DNM3: variants seen among roughly 807,000 people sequenced by gnomAD.
DNM3 encodes the protein dynamin-3.
A neutral mutation model predicts 101.6 loss-of-function variants in DNM3; 47 were observed. The ratio of observed to expected loss-of-function variants is 0.46; its 90% confidence interval spans 0.37 to 0.59. The LOEUF (loss-of-function observed/expected upper bound fraction) is 0.59. DNM3 is among the 20% of genes least tolerant of loss of function. The pLI is 0.00. For missense variants in DNM3, 849 were observed against 1,085.7 expected (o/e 0.78, Z 3.06); for synonymous variants, 385 against 387.9 (o/e 0.99, Z 0.09).
intron 2 of DNM3, among the ~76,000 whole-genome samples, chr1:171,984,018 C>T (rs1187302740): frequency 6.6e-6 from 1 of 152,116 alleles, no homozygotes; most frequent in Non-Finnish European, 1.5e-5. Flanking sequence ...TAGGTCAAAC[C>T]CTTTGAAGTT....
chr1:171,851,885 C>T (rs1454020872), intron 1 of DNM3, among the ~76,000 whole-genome samples: 1 of 152,214 alleles, frequency 6.6e-6, no homozygotes, highest in Non-Finnish European at 1.5e-5. Context: ...GCATACTAGG[C>T]TGCAATGTAA....
intron 15 of DNM3, among the ~76,000 whole-genome samples, chr1:172,296,720 T>G (rs2064179165): frequency 6.6e-6 from 1 of 152,256 alleles, no homozygotes; most frequent in South Asian, 2.1e-4. Context: ...AAAAATTCAT[T>G]TCTATGTATT....
intron 16 of DNM3, among the ~76,000 whole-genome samples, chr1:172,322,393 G>A (rs6702094): frequency 0.087 from 13,257 of 152,130 alleles, 725 homozygotes; most frequent in African/African-American, 0.15. Flanking sequence ...ATCCCATCAC[G>A]TCTCCCCCAC....
At chr1:172,020,748 C>G (rs1320623179) in intron 4 of DNM3, among the ~76,000 whole-genome samples, 1 of 112,540 alleles carries the variant, frequency 8.9e-6, no homozygotes, top group African/African-American at 4.1e-5. Context: ...AAAAAAAGAA[C>G]AGAATGTTGT....
chr1:171,955,302 A>C (rs1490323738), intron 2 of DNM3, among the ~76,000 whole-genome samples: 1 of 152,240 alleles, frequency 6.6e-6, no homozygotes, highest in East Asian at 1.9e-4. Context: ...AAAAGATAAT[A>C]CATTTCATCA....
chr1:171,924,961 G>A (rs557233620), intron 2 of DNM3, among the ~76,000 whole-genome samples: 7 of 151,122 alleles, frequency 4.6e-5, no homozygotes, highest in South Asian at 4.2e-4. Context: ...GTGCAGTGGC[G>A]GGATCTCGGC....
At chr1:171,869,281 T>G (rs1350021285) in intron 1 of DNM3, among the ~76,000 whole-genome samples, 1 of 152,158 alleles carries the variant, frequency 6.6e-6, no homozygotes, top group Non-Finnish European at 1.5e-5. Flanking sequence ...CACTGTTTCC[T>G]TTGCCCTCCC....
At chr1:172,075,240 AT>A (rs1213642063) in intron 11 of DNM3, among the ~76,000 whole-genome samples, 2 of 151,346 alleles carry the variant, frequency 1.3e-5, no homozygotes, top group Non-Finnish European at 2.9e-5. Flanking sequence ...GATTGCAAAA[AT>A]TTTTTTCCCA....
chr1:172,252,290 C>T (rs1032876756), intron 14 of DNM3, among the ~76,000 whole-genome samples: 1 of 152,056 alleles, frequency 6.6e-6, no homozygotes, highest in African/African-American at 2.4e-5. Context: ...CTCTGCCCAA[C>T]TTTTTTCTGA....
At chr1:172,041,956 A>G (rs2049424262) in intron 7 of DNM3, 53 bp from the exon 8 acceptor site, 2 of 1,500,484 alleles carry the variant, frequency 1.3e-6, no homozygotes, top group African/African-American at 2.8e-5. Context: ...GAAAATGAAG[A>G]GTGCAAAGGC....
In DNM3 at chr1:172,068,829, TCC is replaced by T; in HGVS notation, c.1349_1350del (p.Pro450GlnfsTer12). Reference sequence around the variant, plus strand: ...TGCTTTTCTTGACAGCTGGCAAACTTCCCCAGACTCTGCGAGGAAACGGAAAG... The same window carrying T: ...TGCTTTTCTTGACAGCTGGCAAACTTCCAGACTCTGCGAGGAAACGGAAAG... On this transcript the variant is annotated frameshift_variant, in exon 11 of 21. Transcript: ENST00000627582. LOFTEE classifies it high-confidence loss of function. 1 of 1,570,920 alleles carries T rather than the reference TCC, an allele frequency of 6.4e-7. No individual in the cohort carries two copies. The highest frequency in any genetic ancestry group is 8.6e-7 in the Non-Finnish European group (1 of 1,157,126).
At chr1:172,192,422 T>A (rs993132352) in intron 14 of DNM3, among the ~76,000 whole-genome samples, 16 of 151,156 alleles carry the variant, frequency 1.1e-4, no homozygotes, top group African/African-American at 3.4e-4. Flanking sequence ...CATGTGCACA[T>A]TGTGCAGGTT....
intron 14 of DNM3, among the ~76,000 whole-genome samples, chr1:172,228,098 T>G (rs1023792105): frequency 1.3e-5 from 2 of 152,128 alleles, no homozygotes; most frequent in Non-Finnish European, 2.9e-5. Context: ...TGCCAATACT[T>G]TTCTCAATTT....
intron 14 of DNM3, among the ~76,000 whole-genome samples, chr1:172,211,664 G>A (rs2060519279): frequency 6.6e-6 from 1 of 152,062 alleles, no homozygotes; most frequent in Non-Finnish European, 1.5e-5. Flanking sequence ...ATAATGTCTA[G>A]TTTAAAACAA....
At chr1:172,241,327 G>A (rs771541204) in intron 14 of DNM3, among the ~76,000 whole-genome samples, 4 of 151,408 alleles carry the variant, frequency 2.6e-5, no homozygotes, top group Non-Finnish European at 5.9e-5. Context: ...TTTCAAAACT[G>A]CATAAACGTA....
chr1:172,213,157 A>T (rs111594707), intron 14 of DNM3, among the ~76,000 whole-genome samples: 81 of 152,232 alleles, frequency 5.3e-4, no homozygotes, highest in African/African-American at 1.9e-3. Context: ...CAGCAGTAAT[A>T]AGTCCAGCAC....
intron 15 of DNM3, among the ~76,000 whole-genome samples, chr1:172,295,877 A>G (rs2064140364): frequency 6.6e-6 from 1 of 152,228 alleles, no homozygotes; most frequent in African/African-American, 2.4e-5. Flanking sequence ...TAAAAATAAA[A>G]GAAGAAACAA....
At chr1:171,947,887 C>T (rs543862039) in intron 2 of DNM3, among the ~76,000 whole-genome samples, 5 of 152,184 alleles carry the variant, frequency 3.3e-5, no homozygotes, top group South Asian at 4.2e-4. Context: ...AATGAGAGGC[C>T]GTATATGTTA....
chr1:172,294,548 G>T (rs2064065585), intron 15 of DNM3, among the ~76,000 whole-genome samples: 1 of 152,128 alleles, frequency 6.6e-6, no homozygotes, highest in South Asian at 2.1e-4. Flanking sequence ...TTCCTCATCT[G>T]TGAAACAGCT....
Sources: allele counts gnomAD v4.1 joint callset (sites outside exome capture counted in the v4.1 genomes callset), GRCh38; gene constraint gnomAD v4.1.1; transcripts MANE v1.5; gene names NCBI Gene and HGNC (gene_info 2026-07-23, HGNC 2026-07-21).